C2: variants seen among roughly 807,000 people sequenced by gnomAD.
The protein encoded by C2 is complement C2.
In C2, 64 loss-of-function variants were observed where a neutral mutation model predicts 85.2. The ratio of observed to expected loss-of-function variants is 0.75; its 90% CI spans 0.61 to 0.92. The LOEUF is 0.92. C2 is among the 40% of genes least tolerant of loss of function. C2 has a pLI of 0.00. For missense variants in C2, 820 were observed against 971.6 expected, an observed-to-expected ratio of 0.84 and a Z score of 2.07; for synonymous variants, 311 against 370.8, an observed-to-expected ratio of 0.84 and a Z score of 1.85.
At chr6:31,901,413 C>T (rs1316080914) in intron 1 of C2, 15 of 1,224,110 alleles carry the variant, frequency 1.2e-5, no homozygotes, top group South Asian at 1.6e-5. Context: ...TCTTGCCCAG[C>T]CCCCCGGCAT....
In C2 at chr6:31,928,638, C is replaced by G. The variant is rs145964728; in HGVS notation, c.257-94C>G. 18 of 1,248,206 alleles carry G rather than the reference C, an allele frequency of 1.4e-5. No individual in the cohort carries two copies. The African/African-American group carries it at 2.7e-4, about 19-fold the overall frequency. 77.3% of individuals were successfully genotyped at this position (1,248,206 alleles called of 1,614,324 possible). ...GTGTTTTGACAGCCAGTTGACCATT[C>G]CCATGCATTCCAGCATAAAATCACC... On this transcript the variant is annotated intron_variant, in intron 2 of 17. Coordinates refer to ENST00000299367, the MANE Select transcript of C2 (RefSeq NM_000063.6).
rs374029934 is a variant in C2, at chr6:31,939,333, C to A, written c.1219+13C>A. ...AATGACTATCTGGGTGAGCCCCTGCCACTGCCACCACATTTGTTCTGCTCC... is the reference window on the plus strand; with the variant it reads ...AATGACTATCTGGGTGAGCCCCTGCAACTGCCACCACATTTGTTCTGCTCC... On this transcript the variant is annotated intron_variant, in intron 9 of 17. Transcript: ENST00000299367. The A allele has an allele frequency of 6.3e-7, 1 of 1,580,950 alleles. No individual in the cohort carries two copies. Among genetic ancestry groups the A allele is most frequent in the African/African-American group, 1.3e-5 (1 of 74,382 alleles).
chr6:31,924,644 G>A (rs1370269928), upstream of C2, among the ~76,000 whole-genome samples: 2 of 152,204 alleles, frequency 1.3e-5, no homozygotes, highest in African/African-American at 4.8e-5. Context: ...ACTCATGAAA[G>A]AAAGGCCCTT....
Position 31,935,747 on chromosome 6 carries a change from C to T in C2, c.850-176C>T, listed in dbSNP as rs1200922176. 6.6e-6 allele frequency among the ~76,000 whole-genome samples: 1 copy of T among 152,118 alleles called. No homozygotes were observed. The highest frequency in any genetic ancestry group is 2.4e-5 in the African/African-American group (1 of 41,420). On this transcript the variant is annotated intron_variant, in intron 6 of 17. Transcript: ENST00000299367. This position sits in a 1 kb window ranked among gnomAD's most constrained non-coding sequence, Gnocchi z 4.3. ...AGTGTTGGGATTCAGGCATGAGCCA[C>T]CGCGCCCAGCCCCTAGCTTCTTCCT...
At chr6:31,915,693 G>C (rs1014174664), upstream of C2, among the ~76,000 whole-genome samples, 1 of 152,198 alleles carries the variant, frequency 6.6e-6, no homozygotes, top group Non-Finnish European at 1.5e-5. Context: ...GAGGGTGCTG[G>C]AGTGTCTTGT....
Position 31,943,443 on chromosome 6 carries a change from G to T in C2, c.1483G>T (p.Ala495Ser), listed in dbSNP as rs745927416. 1 of 1,612,870 alleles carries T rather than the reference G, an allele frequency of 6.2e-7. No homozygotes were observed. Among genetic ancestry groups the T allele is most frequent in the Non-Finnish European group, 8.5e-7 (1 of 1,180,000 alleles). Residue 495 changes from alanine (A) to serine (S), a missense_variant, in exon 12 of 18, where the codon GCC (alanine) becomes TCC (serine). Physicochemically the swap from Ala to Ser is moderately conservative, Grantham distance 99. Coordinates refer to ENST00000299367, the MANE Select transcript of C2 (RefSeq NM_000063.6). This position sits in a 1 kb window ranked among gnomAD's most constrained non-coding sequence, Gnocchi z 6.4. Reference sequence around the variant, plus strand: ...CAAGAGCCAAGAGACCTGCCGGGGGGCCCTCATCTCCGACCAATGGGTCCT... The same window carrying T: ...CAAGAGCCAAGAGACCTGCCGGGGGTCCCTCATCTCCGACCAATGGGTCCT... ...KPKSQETCRG[A>S]LISDQWVLTA...
At chr6:31,932,984 C>T (rs1047512386) in intron 3 of C2, among the ~76,000 whole-genome samples, 4 of 152,228 alleles carry the variant, frequency 2.6e-5, no homozygotes, top group East Asian at 3.9e-4. Context: ...GGCGTGGCGG[C>T]GCGCGCCTGC....
chr6:31,934,478 A>G (rs1562598983), intron 6 of C2, 179 bp downstream of exon 6: 2 of 1,216,736 alleles, frequency 1.6e-6, no homozygotes, highest in Admixed American at 1.9e-5. Context: ...TTTTTATTCC[A>G]CAAGCACTGT....
chr6:31,927,715 G>A (rs533952040), upstream of C2: 37 of 1,612,846 alleles, frequency 2.3e-5, no homozygotes, highest in East Asian at 3.6e-4. The surrounding 1 kb of genome is among the most constrained non-coding windows in gnomAD (Gnocchi z 4.7). Context: ...TTTCCCTCCC[G>A]CGGCTCTCTA....
chr6:31,921,583 G>T lies in C2; in HGVS notation c.-100+1557G>T, dbSNP rs1768973833. On this transcript the variant is annotated intron_variant, in intron 1 of 3. Transcript: ENST00000413154. The surrounding 1 kb of genome is among the most constrained non-coding windows in gnomAD (Gnocchi z 4.6). ...CTACCACTTGGTGGCTATGAGTGTG[G>T]ACCCAGGAGCCATGCTGCCTGGGTT... Among the ~76,000 whole-genome samples the T allele has an allele frequency of 1.3e-5, 2 of 152,010 alleles. No homozygotes were observed. Among genetic ancestry groups the T allele is most frequent in the African/African-American group, 4.8e-5 (2 of 41,348 alleles).
Position 31,939,220 on chromosome 6 carries a change from C to T in C2, c.1130-11C>T, listed in dbSNP as rs117576077. The T allele has an allele frequency of 1.0e-3, 1,658 of 1,588,724 alleles. 61 individuals carry two copies. In the East Asian group the frequency reaches 0.037, roughly 35 times the overall value. On this transcript the variant is annotated splice_polypyrimidine_tract_variant and intron_variant, in intron 8 of 17. Transcript: ENST00000299367. ...ATTACCTAGAAGAATTCTTTATTCTCTTTGTTCTAGGAAAGTCCAATATGG... is the reference window on the plus strand; with the variant it reads ...ATTACCTAGAAGAATTCTTTATTCTTTTTGTTCTAGGAAAGTCCAATATGG...
chr6:31,935,963 C>G lies in C2; in HGVS notation c.890C>G (p.Thr297Ser), dbSNP rs1462438793. Residue 297 changes from threonine (T) to serine (S), a missense_variant, in exon 7 of 18, where the codon ACC becomes AGC. Coordinates refer to ENST00000299367, the MANE Select transcript of C2 (RefSeq NM_000063.6). This position sits in a 1 kb window ranked among gnomAD's most constrained non-coding sequence, Gnocchi z 4.3. ...FEINVSVAII[T>S]FASEPKVLMS... ...ATCAATGTGAGCGTTGCCATTATCA[C>G]CTTTGCCTCAGAGCCCAAAGTCCTC... 1.9e-6 allele frequency: 3 copies of G among 1,612,912 alleles called. No individual in the cohort carries two copies. In the Admixed American group the frequency reaches 5.0e-5, roughly 27 times the overall value.
chr6:31,927,688 G>A (rs998586767), upstream of C2: 50 of 1,612,298 alleles, frequency 3.1e-5, no homozygotes, highest in Middle Eastern at 4.9e-4. The surrounding 1 kb of genome is among the most constrained non-coding windows in gnomAD (Gnocchi z 4.7). Context: ...TCTAGTTTTC[G>A]GGAAGTCAGA....
chr6:31,932,873 G>C (rs1203487614), intron 3 of C2, among the ~76,000 whole-genome samples: 1 of 152,260 alleles, frequency 6.6e-6, no homozygotes, highest in Non-Finnish European at 1.5e-5. Flanking sequence ...CAGCACCTCG[G>C]GAGGCCGAGG....
At chr6:31,928,616 T>G (rs1769458791) in intron 2 of C2, 116 bp from the exon 3 acceptor site, 3 of 1,022,356 alleles carry the variant, frequency 2.9e-6, no homozygotes, top group African/African-American at 3.2e-5. Flanking sequence ...TATTTCAGTG[T>G]TTTGACAGCC....
In C2 at chr6:31,903,491, G is replaced by A. The variant is rs193268593; in HGVS notation, c.73+2352G>A. On this transcript the variant is annotated intron_variant, in intron 1 of 3. Transcript: ENST00000452202. ...CTAAATATACAAAAATTAGCTGGAC[G>A]TGGTGGCAGGTGCCTGTAATCCCAG... Among the ~76,000 whole-genome samples, 23 of 152,108 alleles carry A rather than the reference G, an allele frequency of 1.5e-4. 1 individual carries two copies. Among genetic ancestry groups the A allele is most frequent in the Non-Finnish European group, 3.4e-4 (23 of 68,002 alleles).
At chr6:31,899,938 G>C, upstream of C2, 2 of 1,584,736 alleles carry the variant, frequency 1.3e-6, no homozygotes, top group Non-Finnish European at 1.7e-6. Flanking sequence ...AGCGGATGAG[G>C]ACGTTAATCT....
chr6:31,918,627 C>G (rs1021871892), upstream of C2, among the ~76,000 whole-genome samples: 1 of 149,674 alleles, frequency 6.7e-6, no homozygotes. Flanking sequence ...TGGCTGGGAG[C>G]GGTGGCTCAC....
At position 31,927,832 on chromosome 6, in the gene C2, T is replaced by C. The variant is rs984032204; in HGVS notation, c.46+34T>C. 1.9e-6 allele frequency: 3 copies of C among 1,607,538 alleles called. No homozygotes were observed. Among genetic ancestry groups the C allele is most frequent in the East Asian group, 2.2e-5 (1 of 44,850 alleles). On this transcript the variant is annotated intron_variant, in intron 1 of 17. Transcript: ENST00000299367. This position sits in a 1 kb window ranked among gnomAD's most constrained non-coding sequence, Gnocchi z 4.7. ...CAGGGAAGGGGGAACGTCAGGGTCCTGTGTGTGAGGTTGGTGCTCCCAGCT... is the reference window on the plus strand; with the variant it reads ...CAGGGAAGGGGGAACGTCAGGGTCCCGTGTGTGAGGTTGGTGCTCCCAGCT...
Sources: gnomAD v4.1 joint callset for allele counts (sites outside exome capture counted in the v4.1 genomes callset) on GRCh38, gnomAD v4.1.1 for gene constraint, Gnocchi (gnomAD v3.1) non-coding constraint, MANE v1.5 for transcripts, NCBI Gene and HGNC (gene_info 2026-07-23, HGNC 2026-07-21) for gene names.